The following SPOCK3 variants were observed in gnomAD, a reference collection of about 807,000 sequenced individuals.
SPOCK3 encodes SPARC (osteonectin), cwcv and kazal like domains proteoglycan 3.
A neutral mutation model predicts 56.6 loss-of-function variants in SPOCK3; 30 were observed. The ratio of observed to expected loss-of-function variants is 0.53; its 90% CI spans 0.40 to 0.72. The LOEUF (loss-of-function observed/expected upper bound fraction) is 0.72. Among genes scored for constraint, SPOCK3 ranks in the 30% least tolerant of loss-of-function variants. The pLI is 0.00. For missense variants in SPOCK3, 527 were observed against 530.0 expected (o/e 0.99, Z 0.06); for synonymous variants, 196 against 183.3 (o/e 1.07, Z -0.56).
intron 4 of SPOCK3, among the ~76,000 whole-genome samples, chr4:166,936,447 G>T (rs933903026): frequency 2.6e-5 from 4 of 151,962 alleles, no homozygotes; most frequent in Middle Eastern, 3.2e-3. Context: ...AATGAGATAA[G>T]ATAAATTTTT....
chr4:167,177,025 A>G (rs1731044257), intron 2 of SPOCK3, among the ~76,000 whole-genome samples: 1 of 152,108 alleles, frequency 6.6e-6, no homozygotes, highest in Admixed American at 6.6e-5. Context: ...CCCCAATTTT[A>G]TCATTAACAA....
intron 2 of SPOCK3, among the ~76,000 whole-genome samples, chr4:167,101,262 T>C (rs1759616532): frequency 6.6e-6 from 1 of 152,138 alleles, no homozygotes; most frequent in African/African-American, 2.4e-5. Context: ...TTCCCCAAAA[T>C]TTTATGGCTT....
intron 2 of SPOCK3, among the ~76,000 whole-genome samples, chr4:167,123,866 C>T (rs536010269): frequency 6.6e-6 from 1 of 151,730 alleles, no homozygotes; most frequent in East Asian, 1.9e-4. Flanking sequence ...CTGCCTCAGC[C>T]TCCCAAGTAG....
chr4:166,765,622 A>C (rs1177667290), intron 7 of SPOCK3, among the ~76,000 whole-genome samples: 1 of 152,210 alleles, frequency 6.6e-6, no homozygotes, highest in Non-Finnish European at 1.5e-5. Context: ...AGGTAGCGTG[A>C]TGCCTCCAGC....
intron 3 of SPOCK3, among the ~76,000 whole-genome samples, chr4:167,058,913 C>T (rs369240920): frequency 6.6e-5 from 10 of 152,162 alleles, no homozygotes; most frequent in East Asian, 5.8e-4. Context: ...GGATTCCCTA[C>T]TTAATAAATG....
At chr4:166,894,698 A>G (rs1735176176) in intron 5 of SPOCK3, among the ~76,000 whole-genome samples, 3 of 152,130 alleles carry the variant, frequency 2.0e-5, no homozygotes, top group Admixed American at 2.0e-4. Context: ...AACCAGATTA[A>G]CTGACCAAGG....
chr4:167,069,372 T>C (rs1006120687), intron 2 of SPOCK3, among the ~76,000 whole-genome samples: 1 of 151,922 alleles, frequency 6.6e-6, no homozygotes, highest in African/African-American at 2.4e-5. Context: ...CATTTTGAAC[T>C]TTTAACTGAC....
chr4:167,219,449 A>C (rs372462930), intron 2 of SPOCK3, among the ~76,000 whole-genome samples: 1 of 152,204 alleles, frequency 6.6e-6, no homozygotes, highest in Non-Finnish European at 1.5e-5. Context: ...GGACTATCAA[A>C]TTACTATTTT....
intron 2 of SPOCK3, among the ~76,000 whole-genome samples, chr4:167,201,170 T>C: frequency 6.6e-6 from 1 of 151,994 alleles, no homozygotes; most frequent in East Asian, 1.9e-4. Flanking sequence ...TAAACATGCA[T>C]TCCTTTAAGA....
chr4:166,957,689 C>G (rs1479629782), intron 4 of SPOCK3, among the ~76,000 whole-genome samples: 1 of 152,192 alleles, frequency 6.6e-6, no homozygotes, highest in Non-Finnish European at 1.5e-5. Flanking sequence ...GACATGGAAT[C>G]AAAGGAGATT....
At chr4:167,131,621 C>A (rs1302757279) in intron 2 of SPOCK3, among the ~76,000 whole-genome samples, 1 of 151,990 alleles carries the variant, frequency 6.6e-6, no homozygotes, top group Non-Finnish European at 1.5e-5. Context: ...AAAACCAAAA[C>A]CAAACAACAA....
chr4:167,109,399 TTATATATAAATA>T (rs1401329024), intron 2 of SPOCK3, among the ~76,000 whole-genome samples: 10 of 67,668 alleles, frequency 1.5e-4, no homozygotes, highest in South Asian at 5.0e-4. Flanking sequence ...AAATATATAT[TTATATATAAATA>T]TATATATAAA....
At position 167,074,126 on chromosome 4, in the gene SPOCK3, G is replaced by A. The variant is rs6853117; in HGVS notation, c.190-11589C>T. On this transcript the variant is annotated intron_variant, in intron 2 of 10. Transcript: ENST00000357545. ...ATAATAATCAGTAAAGGGTTATGTG[G>A]AAGATAGTAGCTAACAACAGTTCCC... Among the ~76,000 whole-genome samples the A allele has an allele frequency of 8.2e-3, 1,237 of 151,678 alleles. 6 individuals carry two copies. The highest frequency in any genetic ancestry group is 0.01 in the Non-Finnish European group (690 of 67,870).
At chr4:167,172,496 TAATA>T (rs1490071262) in intron 2 of SPOCK3, among the ~76,000 whole-genome samples, 3 of 152,188 alleles carry the variant, frequency 2.0e-5, no homozygotes, top group African/African-American at 7.2e-5. Flanking sequence ...ATAGGATTCC[TAATA>T]ATTATTTCTT....
chr4:166,812,740 T>C (rs986872411), intron 6 of SPOCK3, among the ~76,000 whole-genome samples: 3 of 152,018 alleles, frequency 2.0e-5, no homozygotes, highest in African/African-American at 7.2e-5. Flanking sequence ...ATCATAATTC[T>C]TCACTGGGAC....
chr4:166,921,907 T>C (rs541118863), intron 4 of SPOCK3, among the ~76,000 whole-genome samples: 112 of 152,232 alleles, frequency 7.4e-4, no homozygotes, highest in Middle Eastern at 3.4e-3. Flanking sequence ...AGATACTGTT[T>C]AGTTATTTGC....
chr4:167,004,923 T>C (rs1158381296), intron 3 of SPOCK3, among the ~76,000 whole-genome samples: 1 of 152,090 alleles, frequency 6.6e-6, no homozygotes, highest in Non-Finnish European at 1.5e-5. Context: ...CACCTAGATA[T>C]TCGGATCTTG....
In SPOCK3 at chr4:166,734,049, T is replaced by C. The variant is rs144617419; in HGVS notation, c.*872A>G. On this transcript the variant is annotated 3_prime_UTR_variant, in exon 11 of 11. Transcript: ENST00000357545. ...CTAAAATGGGAAATAAAATGAAAAT[T>C]AAGAATTTAAAATTTGACCTTGGGG... The C allele has an allele frequency of 4.7e-3, 709 of 152,282 alleles. 4 individuals carry two copies. Among genetic ancestry groups the C allele is most frequent in the Non-Finnish European group, 7.1e-3 (482 of 67,768 alleles). The allele number at this position is 152,282 out of a possible 1,614,324, so 9.4% of individuals were successfully genotyped here. A position where few individuals can be genotyped will look rare whatever the true frequency, so the allele number is the denominator to read the frequency against.
At chr4:166,923,265 T>C (rs1002438505) in intron 4 of SPOCK3, among the ~76,000 whole-genome samples, 4 of 152,218 alleles carry the variant, frequency 2.6e-5, no homozygotes, top group Non-Finnish European at 4.4e-5. Flanking sequence ...TACATTTAGG[T>C]CTCACCCTGA....
Sources: gnomAD v4.1 joint callset for allele counts (sites outside exome capture counted in the v4.1 genomes callset) on GRCh38, gnomAD v4.1.1 for gene constraint, MANE v1.5 for transcripts, NCBI Gene and HGNC (gene_info 2026-07-23, HGNC 2026-07-21) for gene names.